The following MADD variants were observed in gnomAD, a reference collection of about 807,000 sequenced individuals.
The protein encoded by MADD is MAP kinase activating death domain.
MADD carries 109 observed loss-of-function variants against 176.7 expected under a neutral mutation model. The observed-to-expected ratio is 0.62, with a 90% CI of 0.53 to 0.72. MADD has a LOEUF of 0.72. Ranked by LOEUF, MADD falls within the 30% of genes least tolerant of loss-of-function variation. The probability of loss-of-function intolerance (pLI) is 0.00; values close to 1 mark genes in which losing one functional copy is unlikely to be tolerated. For synonymous variants in MADD, 771 were observed against 771.3 expected (o/e 1.00, Z 0.01); for missense variants, 1,914 against 2,045.5 (o/e 0.94, Z 1.24).
chr11:47,274,834 G>A, exon 3 of MADD: 3 of 1,614,228 alleles, frequency 1.9e-6, no homozygotes, highest in Non-Finnish European at 2.5e-6. Context: ...GAAGGGGGAA[G>A]GTGGGGCAGG....
intron 20 of MADD, among the ~76,000 whole-genome samples, chr11:47,295,141 T>G (rs1311240290): frequency 6.6e-6 from 1 of 151,614 alleles, no homozygotes; most frequent in Non-Finnish European, 1.5e-5. Flanking sequence ...GTCCTGAGCA[T>G]CTGGGACCGC....
chr11:47,286,564 G>C (rs370665634), intron 15 of MADD, 30 bp downstream of exon 15: 102 of 1,535,752 alleles, frequency 6.6e-5, no homozygotes, highest in Non-Finnish European at 8.8e-5. Flanking sequence ...TGCCAAGCCA[G>C]GTTTCTCCGG....
chr11:47,315,978 T>C (rs953206085), intron 27 of MADD, among the ~76,000 whole-genome samples: 2 of 151,396 alleles, frequency 1.3e-5, no homozygotes, highest in Non-Finnish European at 2.9e-5. Flanking sequence ...ATTACAGGCA[T>C]GCGCCACCAT....
At position 47,319,006 on chromosome 11, in the gene MADD, C is replaced by A. The variant is rs952090315; in HGVS notation, c.4197+3679C>A. ...TATTTGTAGTAGAGACGGGGTTTCA[C>A]CATTTTGGCCAAGCTGGTCTCGAAC... On this transcript the variant is annotated intron_variant, in intron 27 of 32. Coordinates refer to ENST00000402192, the Ensembl canonical transcript of MADD. Among the ~76,000 whole-genome samples the A allele has an allele frequency of 1.9e-4, 29 of 150,712 alleles. 1 individual carries two copies. The highest frequency in any genetic ancestry group is 7.1e-4 in the African/African-American group (29 of 41,086).
intron 14 of MADD, among the ~76,000 whole-genome samples, chr11:47,286,226 T>TA (rs2060532697): frequency 6.6e-6 from 1 of 152,180 alleles, no homozygotes; most frequent in Non-Finnish European, 1.5e-5. Flanking sequence ...AGAAAGCTGT[T>TA]ACTGGGTTTT....
At chr11:47,290,001 A>C in exon 17 of MADD, 1 of 1,614,176 alleles carries the variant, frequency 6.2e-7, no homozygotes, top group Non-Finnish European at 8.5e-7. Context: ...AGCAAGCTGA[A>C]CCGCATGGTG....
chr11:47,272,919 A>G (rs2046047796), intron 1 of MADD, among the ~76,000 whole-genome samples: 1 of 152,234 alleles, frequency 6.6e-6, no homozygotes, highest in Non-Finnish European at 1.5e-5. Flanking sequence ...AGCTAGTAGC[A>G]GTGGCCTCTG....
At chr11:47,327,671 T>A in intron 31 of MADD, 1 of 985,426 alleles carries the variant, frequency 1.0e-6, no homozygotes, top group Non-Finnish European at 1.2e-6. Flanking sequence ...GGGGGAATCT[T>A]CCAACTCGGG....
At chr11:47,327,367 C>T (rs774550600) in intron 31 of MADD, 162 of 985,320 alleles carry the variant, frequency 1.6e-4, no homozygotes, top group Non-Finnish European at 1.9e-4. Flanking sequence ...CACCCTGGGG[C>T]TTTGAGTTCC....
chr11:47,296,232 A>C (rs1593266456), intron 22 of MADD, among the ~76,000 whole-genome samples, 177 bp downstream of exon 24: 1 of 152,142 alleles, frequency 6.6e-6, no homozygotes, highest in Non-Finnish European at 1.5e-5. Flanking sequence ...GAGTCATTTG[A>C]CTCACAATCT....
exon 3 of MADD, chr11:47,274,966 TCTC>T: frequency 6.2e-7 from 1 of 1,614,086 alleles, no homozygotes; most frequent in Non-Finnish European, 8.5e-7. Flanking sequence ...TGTGAACCAG[TCTC>T]CTCGGGGCAA....
chr11:47,274,095 C>T lies in MADD; in HGVS notation c.62+119C>T. The T allele has an allele frequency of 9.3e-6, 9 of 964,590 alleles. No homozygotes were observed. In the South Asian group the frequency reaches 1.0e-4, roughly 11 times the overall value. 59.8% of individuals were successfully genotyped at this position (964,590 alleles called of 1,614,324 possible). A position where few individuals can be genotyped will look rare whatever the true frequency, so the allele number is the denominator to read the frequency against. On this transcript the variant is annotated intron_variant, in intron 2 of 32. Coordinates refer to ENST00000402192, the Ensembl canonical transcript of MADD. Reference sequence around the variant, plus strand: ...AGCTCATCTTCTCCTGTTATTTTACCCTGATGGGAGCATCGAAGCCAGTAG... The same window carrying T: ...AGCTCATCTTCTCCTGTTATTTTACTCTGATGGGAGCATCGAAGCCAGTAG...
intron 22 of MADD, among the ~76,000 whole-genome samples, chr11:47,303,301 G>A (rs781586649): frequency 2.7e-5 from 4 of 147,426 alleles, no homozygotes; most frequent in Admixed American, 1.4e-4. Flanking sequence ...GAGTACAGTG[G>A]TGCAATCTCG....
At position 47,274,607 on chromosome 11, in the gene MADD, G is replaced by A. The variant is rs748229155; in HGVS notation, c.107G>A (p.Arg36Gln). Residue 36 changes from arginine (R) to glutamine (Q), a missense_variant, in exon 3 of 33, where the codon CGG becomes CAG. Coordinates refer to ENST00000402192, the Ensembl canonical transcript of MADD. ...GTGGCCCAGACTCCTGAATTGCTAC[G>A]GCGATACCCCTTGGAGGATCACACT... 73 of 1,613,932 alleles carry A rather than the reference G, an allele frequency of 4.5e-5. No individual in the cohort carries two copies. Among genetic ancestry groups the A allele is most frequent in the South Asian group, 6.6e-5 (6 of 91,086 alleles).
chr11:47,276,134 C>G, exon 4 of MADD: 1 of 1,614,214 alleles, frequency 6.2e-7, no homozygotes, highest in Non-Finnish European at 8.5e-7. Flanking sequence ...CCCACTGCAC[C>G]TTCCCTTGGA....
chr11:47,324,143 G>C lies in MADD; in HGVS notation c.4363-122G>C, dbSNP rs564583034. ...CAATGAATAAGACATCCGAAAAATA[G>C]GAGGACTACTTAAAATTTTACCCCT... On this transcript the variant is annotated intron_variant, in intron 28 of 32. Transcript: ENST00000402192. 41 of 796,400 alleles carry C rather than the reference G, an allele frequency of 5.1e-5. No homozygotes were observed. The South Asian group carries it at 5.8e-4, about 11-fold the overall frequency. The allele number at this position is 796,400 out of a possible 1,614,324, so 49.3% of individuals were successfully genotyped here.
At chr11:47,298,079 C>T (rs187945343) in intron 22 of MADD, among the ~76,000 whole-genome samples, 36 of 152,262 alleles carry the variant, frequency 2.4e-4, no homozygotes, top group Middle Eastern at 3.4e-3. Context: ...TGAGCCACCG[C>T]GCCCGGCCTT....
At chr11:47,285,710 T>A in intron 14 of MADD, 120 bp downstream of exon 14, 1 of 1,380,302 alleles carries the variant, frequency 7.2e-7, no homozygotes, top group Non-Finnish European at 1.0e-6. Context: ...TAGCAAGCCC[T>A]AATCCAGTCA....
chr11:47,278,272 C>T, exon 6 of MADD: 1 of 1,611,300 alleles, frequency 6.2e-7, no homozygotes, highest in Non-Finnish European at 8.5e-7. Flanking sequence ...ATCTGGACAG[C>T]AATAGGGTGA....
Sources: allele counts gnomAD v4.1 joint callset (sites outside exome capture counted in the v4.1 genomes callset), GRCh38; gene constraint gnomAD v4.1.1; transcripts MANE v1.5; gene names NCBI Gene and HGNC (gene_info 2026-07-23, HGNC 2026-07-21).